The following KLHDC10 variants were observed in gnomAD, a reference collection of about 807,000 sequenced individuals.
KLHDC10 encodes the protein kelch domain containing 10, also known as kelch domain-containing protein 10.
A neutral mutation model predicts 56.1 loss-of-function variants in KLHDC10; 24 were observed. The observed-to-expected ratio is 0.43, with a 90% CI of 0.31 to 0.60. KLHDC10 has a LOEUF of 0.60. Among genes scored for constraint, KLHDC10 ranks in the 20% least tolerant of loss-of-function variants. The probability of loss-of-function intolerance (pLI) is 0.11; values close to 1 mark genes in which losing one functional copy is unlikely to be tolerated. For missense variants in KLHDC10, 349 were observed against 567.0 expected (o/e 0.62, Z 3.91); for synonymous variants, 188 against 207.1 (o/e 0.91, Z 0.79).
Position 130,070,817 on chromosome 7 carries a change from G to T in KLHDC10, c.166+8G>T, listed in dbSNP as rs1406197700. 7.7e-7 allele frequency: 1 copy of T among 1,302,966 alleles called. No individual in the cohort carries two copies. The highest frequency in any genetic ancestry group is 9.8e-7 in the Non-Finnish European group (1 of 1,023,230). The allele number at this position is 1,302,966 out of a possible 1,614,324, so 80.7% of individuals were successfully genotyped here. A position where few individuals can be genotyped will look rare whatever the true frequency, so the allele number is the denominator to read the frequency against. On this transcript the variant is annotated splice_region_variant and intron_variant, in intron 1 of 9. Coordinates refer to ENST00000335420, the MANE Select transcript of KLHDC10 (RefSeq NM_014997.4). Reference sequence around the variant, plus strand: ...GGCGGCCGCACCTGCCAGGTGAGTCGTGGGACAGGGTCCTGACCGCTTGCG... The same window carrying T: ...GGCGGCCGCACCTGCCAGGTGAGTCTTGGGACAGGGTCCTGACCGCTTGCG...
At chr7:130,101,108 A>G (rs1011402283) in intron 2 of KLHDC10, among the ~76,000 whole-genome samples, 3 of 152,012 alleles carry the variant, frequency 2.0e-5, no homozygotes, top group Non-Finnish European at 4.4e-5. Flanking sequence ...CAAGTTGCTT[A>G]TTCTTTTTTT....
At chr7:130,103,205 C>T (rs2116879854) in intron 2 of KLHDC10, among the ~76,000 whole-genome samples, 1 of 152,174 alleles carries the variant, frequency 6.6e-6, no homozygotes, top group East Asian at 1.9e-4. Context: ...GCAGGTGAAC[C>T]ACGAGGCCAG....
chr7:130,074,620 T>TC (rs1491140447), intron 1 of KLHDC10, among the ~76,000 whole-genome samples: 16 of 125,282 alleles, frequency 1.3e-4, no homozygotes, highest in South Asian at 2.3e-4. Flanking sequence ...GTTCTCTCTC[T>TC]TTTTTTTTTT....
At chr7:130,090,136 C>G (rs573721585) in intron 1 of KLHDC10, among the ~76,000 whole-genome samples, 2 of 152,046 alleles carry the variant, frequency 1.3e-5, no homozygotes, top group East Asian at 3.9e-4. Context: ...CCGCCTTGGC[C>G]TAATAGTTCT....
intron 3 of KLHDC10, among the ~76,000 whole-genome samples, chr7:130,119,060 T>A (rs1045269065): frequency 6.7e-6 from 1 of 149,412 alleles, no homozygotes; most frequent in African/African-American, 2.5e-5. Context: ...AAAAAAAAAA[T>A]TAGCTGGGCA....
intron 1 of KLHDC10, among the ~76,000 whole-genome samples, chr7:130,079,521 C>T (rs2116842215): frequency 6.6e-6 from 1 of 152,186 alleles, no homozygotes; most frequent in Admixed American, 6.5e-5. Flanking sequence ...CTGAACCATT[C>T]TTGTGTTCCT....
At chr7:130,100,695 A>G (rs1162075802) in intron 2 of KLHDC10, among the ~76,000 whole-genome samples, 1 of 152,150 alleles carries the variant, frequency 6.6e-6, no homozygotes, top group African/African-American at 2.4e-5. Flanking sequence ...TACTTTTGAA[A>G]TAGCCACTTT....
chr7:130,121,055 A>C, intron 4 of KLHDC10, 152 bp downstream of exon 4: 1 of 710,688 alleles, frequency 1.4e-6, no homozygotes, highest in Non-Finnish European at 2.3e-6. Flanking sequence ...ATGAAATTAT[A>C]ATTTGCAAAT....
At chr7:130,077,202 A>G (rs1176116423) in intron 1 of KLHDC10, among the ~76,000 whole-genome samples, 1 of 151,372 alleles carries the variant, frequency 6.6e-6, no homozygotes, top group Non-Finnish European at 1.5e-5. Flanking sequence ...TAAAAATATA[A>G]AACTTAGCCG....
intron 2 of KLHDC10, among the ~76,000 whole-genome samples, chr7:130,111,854 A>T (rs1796106068): frequency 6.6e-6 from 1 of 152,194 alleles, no homozygotes; most frequent in Non-Finnish European, 1.5e-5. Flanking sequence ...GAACTAGTAA[A>T]ATAAGGGAAA....
At position 130,134,299 on chromosome 7, in the gene KLHDC10, A is replaced by G. The variant is rs559605609; in HGVS notation, c.*3553A>G. The G allele has an allele frequency of 6.6e-6, 1 of 152,220 alleles. No individual in the cohort carries two copies. The highest frequency in any genetic ancestry group is 1.5e-5 in the Non-Finnish European group (1 of 68,042). 9.4% of individuals were successfully genotyped at this position (152,220 alleles called of 1,614,324 possible). A position where few individuals can be genotyped will look rare whatever the true frequency, so the allele number is the denominator to read the frequency against. On this transcript the variant is annotated 3_prime_UTR_variant, in exon 10 of 10. Coordinates refer to ENST00000335420, the MANE Select transcript of KLHDC10 (RefSeq NM_014997.4). Reference sequence around the variant, plus strand: ...AGCAGCTGATTGCCTGTAATTAGTCAGGCTGAACAATTAGAGTTGAATGCT... The same window carrying G: ...AGCAGCTGATTGCCTGTAATTAGTCGGGCTGAACAATTAGAGTTGAATGCT...
chr7:130,100,326 T>C (rs1795912740), intron 2 of KLHDC10, among the ~76,000 whole-genome samples: 1 of 152,194 alleles, frequency 6.6e-6, no homozygotes, highest in South Asian at 2.1e-4. Context: ...ACCCTCCGTG[T>C]ACCTACCTAT....
At position 130,131,872 on chromosome 7, in the gene KLHDC10, T is replaced by G. The variant is rs532249526; in HGVS notation, c.*1126T>G. The G allele has an allele frequency of 1.0e-3, 156 of 152,286 alleles. 1 individual carries two copies. Among genetic ancestry groups the G allele is most frequent in the African/African-American group, 3.5e-3 (145 of 41,546 alleles). 9.4% of individuals were successfully genotyped at this position (152,286 alleles called of 1,614,324 possible). ...TTTTTCCCTTAGCTTGTTGCCTTCT[T>G]TTCCGTCTGCTTTAATGTGCATGGT... is the stretch of plus-strand genomic sequence containing the variant. On this transcript the variant is annotated 3_prime_UTR_variant, in exon 10 of 10. Transcript: ENST00000335420.
chr7:130,094,765 ATTTAGC>A (rs1310384163), intron 1 of KLHDC10: 1 of 152,144 alleles, frequency 6.6e-6, no homozygotes, highest in African/African-American at 2.4e-5. Context: ...AAGTATGTTT[ATTTAGC>A]ATACTTAACC....
intron 2 of KLHDC10, among the ~76,000 whole-genome samples, chr7:130,101,004 A>G (rs4731652): frequency 9.8e-6 from 1 of 101,860 alleles, no homozygotes; most frequent in Non-Finnish European, 2.0e-5. Flanking sequence ...TAATTAAAAA[A>G]AAAAAACAAA....
rs998723024 is a variant in KLHDC10 at position 130,116,264 on chromosome 7, A to G, written c.254-181A>G. ...AGCTCCTTAAAATCTTAAGTAGTAT[A>G]TGTGCATAAGAAGTATTATTAGGAA... is the stretch of plus-strand genomic sequence containing the variant. On this transcript the variant is annotated intron_variant, in intron 2 of 9. Coordinates refer to ENST00000335420, the MANE Select transcript of KLHDC10 (RefSeq NM_014997.4). This position sits in a 1 kb window ranked among gnomAD's most constrained non-coding sequence, Gnocchi z 4.8. Among the ~76,000 whole-genome samples the G allele has an allele frequency of 2.6e-5, 4 of 152,242 alleles. No individual in the cohort carries two copies. The highest frequency in any genetic ancestry group is 4.1e-4 in the South Asian group (2 of 4,834).
rs1796389274 is a variant in KLHDC10 at position 130,130,724 on chromosome 7, G to A, written c.1307G>A (p.Gly436Glu). 1 of 1,614,136 alleles carries A rather than the reference G, an allele frequency of 6.2e-7. No homozygotes were observed. ...TQLLHLGLTQ[G>E]LIERLK ...CTTCTGCACCTTGGACTCACACAGG[G>A]ACTCATCGAACGCTTGAAATGAGGA... The change falls in exon 10 of 10, where the codon GGA (glycine) becomes GAA (glutamate). Residue 436 changes from glycine to glutamate, a missense_variant. Gly to Glu is a moderately conservative substitution (Grantham distance 98). Around this residue, in one of 2 missense-constraint regions of KLHDC10, gnomAD observed 245 missense variants for 470.1 expected, o/e 0.52. Transcript: ENST00000335420. This position sits in a 1 kb window ranked among gnomAD's most constrained non-coding sequence, Gnocchi z 4.2.
intron 1 of KLHDC10, among the ~76,000 whole-genome samples, chr7:130,073,449 C>T (rs1187330149): frequency 1.3e-5 from 2 of 151,884 alleles, no homozygotes; most frequent in African/African-American, 4.8e-5. Flanking sequence ...TGCGGGCCAC[C>T]ACGTCCGGCT....
chr7:130,092,197 G>T (rs1795784527), intron 1 of KLHDC10, among the ~76,000 whole-genome samples: 1 of 152,156 alleles, frequency 6.6e-6, no homozygotes, highest in Admixed American at 6.6e-5. Flanking sequence ...TTTGAAATGA[G>T]GAAGTATGAG....
Sources: gnomAD v4.1 joint callset for allele counts (sites outside exome capture counted in the v4.1 genomes callset) on GRCh38, gnomAD v4.1.1 for gene constraint, gnomAD v4.1.1 regional missense constraint, Gnocchi (gnomAD v3.1) non-coding constraint, MANE v1.5 for transcripts, NCBI Gene and HGNC (gene_info 2026-07-23, HGNC 2026-07-21) for gene names.